The following SNRPN variants were observed in gnomAD, a reference collection of about 807,000 sequenced individuals.
SNRPN encodes small nuclear ribonucleoprotein polypeptide N.
SNRPN carries 7 observed loss-of-function variants against 25.2 expected under a neutral mutation model. The ratio of observed to expected loss-of-function variants is 0.28; its 90% confidence interval spans 0.16 to 0.52. The LOEUF (loss-of-function observed/expected upper bound fraction) is 0.52. SNRPN is among the 20% of genes least tolerant of loss of function. The probability of loss-of-function intolerance (pLI) is 0.96; values close to 1 mark genes in which losing one functional copy is unlikely to be tolerated. For missense variants in SNRPN, 196 were observed against 322.5 expected (o/e 0.61, Z 3.00); for synonymous variants, 124 against 110.6 (o/e 1.12, Z -0.76).
rs556119477 is a variant in SNRPN at position 24,864,147 on chromosome 15, C to T, written c.-579+7431C>T. Among the ~76,000 whole-genome samples, 129 of 148,636 alleles carry T rather than the reference C, an allele frequency of 8.7e-4. 7 individuals are homozygous for T. The Middle Eastern group carries it at 0.038, about 43-fold the overall frequency. ...GTTCACACTATTCTCCTGCCTCAGC[C>T]TCCCAAGTAGCTGGGACTACAGGCG... On this transcript the variant is annotated intron_variant, in intron 1 of 11. Coordinates refer to the SNRPN transcript ENST00000400097.
chr15:24,901,527 CAA>C (rs1295988490), intron 2 of SNRPN, among the ~76,000 whole-genome samples: 6 of 152,162 alleles, frequency 3.9e-5, no homozygotes. Context: ...ATGACTGAGA[CAA>C]AAAAGAATGT....
At chr15:24,932,246 T>G (rs1289423778) in intron 3 of SNRPN, among the ~76,000 whole-genome samples, 1 of 152,186 alleles carries the variant, frequency 6.6e-6, no homozygotes, top group African/African-American at 2.4e-5. Flanking sequence ...TGTTTCTTTG[T>G]TTTTTGAGAT....
intron 2 of SNRPN, among the ~76,000 whole-genome samples, chr15:24,830,651 T>A (rs1177671056): frequency 3.3e-5 from 5 of 152,124 alleles, no homozygotes; most frequent in Non-Finnish European, 7.3e-5. Flanking sequence ...TAGTTCAAAT[T>A]ATTTTAAAAA....
At chr15:24,922,053 A>G (rs1424320293) in intron 3 of SNRPN, among the ~76,000 whole-genome samples, 2 of 149,272 alleles carry the variant, frequency 1.3e-5, no homozygotes, top group Non-Finnish European at 3.0e-5. Flanking sequence ...AAAAAAAAAA[A>G]AAAAAAAAAA....
At chr15:24,901,080 A>C (rs2058417630) in intron 2 of SNRPN, among the ~76,000 whole-genome samples, 2 of 152,168 alleles carry the variant, frequency 1.3e-5, no homozygotes, top group Non-Finnish European at 2.9e-5. Context: ...TGGGCAACAG[A>C]GCCAGACCCT....
intron 2 of SNRPN, among the ~76,000 whole-genome samples, chr15:24,918,342 A>ACATATATAACATAATATATATGTG (rs2059670327): frequency 4.0e-4 from 19 of 47,102 alleles, no homozygotes; most frequent in African/African-American, 1.7e-3. Context: ...ATATATGTGT[A>ACATATATAACATAATATATATGTG]TATATATATA....
intron 3 of SNRPN, among the ~76,000 whole-genome samples, chr15:24,932,290 A>G (rs2060923380): frequency 6.6e-6 from 1 of 152,170 alleles, no homozygotes; most frequent in African/African-American, 2.4e-5. Context: ...GCTGAAGTGC[A>G]ATGGTGCGAT....
chr15:24,904,016 G>A (rs1185536766), intron 2 of SNRPN, among the ~76,000 whole-genome samples: 1 of 149,300 alleles, frequency 6.7e-6, no homozygotes, highest in Non-Finnish European at 1.5e-5. Flanking sequence ...TCCAGCCTGG[G>A]CTACAAAGCA....
At chr15:24,934,495 C>T (rs190710089) in intron 3 of SNRPN, among the ~76,000 whole-genome samples, 3 of 152,206 alleles carry the variant, frequency 2.0e-5, no homozygotes, top group Admixed American at 6.5e-5. Flanking sequence ...GTCCTCAAAG[C>T]CTAAAATATT....
At position 24,948,882 on chromosome 15, in the gene SNRPN, C is replaced by T. The variant is rs530816252; in HGVS notation, c.-390-13232C>T. 3.3e-5 allele frequency among the ~76,000 whole-genome samples: 5 copies of T among 151,820 alleles called. 1 individual carries two copies. The highest frequency in any genetic ancestry group is 2.6e-4 in the Admixed American group (4 of 15,204). On this transcript the variant is annotated intron_variant, in intron 3 of 11. Coordinates refer to the SNRPN transcript ENST00000400097. The stretch of plus-strand genomic sequence containing the variant: ...AAAATTAGATAACCTACTAATTCCA[C>T]AAAATCCAGAATATTTTGATCATCC...
chr15:24,834,112 G>A lies in SNRPN; in HGVS notation c.-579+4207G>A, dbSNP rs1473509589. Among the ~76,000 whole-genome samples, 4 of 152,214 alleles carry A rather than the reference G, an allele frequency of 2.6e-5. 1 individual carries two copies. Among genetic ancestry groups the A allele is most frequent in the African/African-American group, 9.6e-5 (4 of 41,486 alleles). ...AGCTAATTTTTGTATTTTTAGTAGA[G>A]ACGGGGTTTCACCATGTTGGTCAGG... On this transcript the variant is annotated intron_variant, in intron 2 of 12. Coordinates refer to the SNRPN transcript ENST00000400100.
chr15:24,893,995 C>G (rs2057881579), intron 2 of SNRPN, among the ~76,000 whole-genome samples: 1 of 152,170 alleles, frequency 6.6e-6, no homozygotes, highest in Non-Finnish European at 1.5e-5. Context: ...GCAAAAAATG[C>G]AGCCCTCTAA....
At chr15:24,922,805 T>C (rs2060108222) in intron 3 of SNRPN, among the ~76,000 whole-genome samples, 1 of 151,288 alleles carries the variant, frequency 6.6e-6, no homozygotes, top group Non-Finnish European at 1.5e-5. Flanking sequence ...ACTGTGTATG[T>C]ATACAGAGTG....
chr15:24,962,940 G>A (rs961691589), intron 2 of SNRPN, among the ~76,000 whole-genome samples: 1 of 151,958 alleles, frequency 6.6e-6, no homozygotes, highest in African/African-American at 2.4e-5. Context: ...AATTCATGAA[G>A]ATGATTCTTT....
chr15:24,977,123 A>C, intron 7 of SNRPN, 94 bp downstream of exon 7: 7 of 967,388 alleles, frequency 7.2e-6, no homozygotes, highest in Middle Eastern at 3.0e-4. Context: ...GTGTCATACA[A>C]TGTAAACAGC....
chr15:24,837,393 A>C (rs1339699175), intron 2 of SNRPN, among the ~76,000 whole-genome samples: 1 of 145,172 alleles, frequency 6.9e-6, no homozygotes, highest in African/African-American at 2.6e-5. Context: ...TTTGAGGTGG[A>C]GTCTCACTGT....
At position 24,935,296 on chromosome 15, in the gene SNRPN, G is replaced by T. The variant is rs530525410; in HGVS notation, c.-391+15172G>T. 1.9e-4 allele frequency among the ~76,000 whole-genome samples: 29 copies of T among 151,120 alleles called. No individual in the cohort carries two copies. The South Asian group carries it at 6.0e-3, about 31-fold the overall frequency. On this transcript the variant is annotated intron_variant, in intron 3 of 11. Transcript: ENST00000400097. Reference sequence around the variant, plus strand: ...CCAAAAAAAAAAAAGTTCGATTTTTGTTTAATAGGTGAGATCATATGAAAC... The same window carrying T: ...CCAAAAAAAAAAAAGTTCGATTTTTTTTTAATAGGTGAGATCATATGAAAC...
chr15:24,933,044 T>C (rs567920969), intron 3 of SNRPN, among the ~76,000 whole-genome samples: 2 of 152,116 alleles, frequency 1.3e-5, no homozygotes, highest in East Asian at 3.9e-4. Flanking sequence ...GGAGGATTAC[T>C]TGAGTCCAGG....
intron 3 of SNRPN, among the ~76,000 whole-genome samples, chr15:24,941,568 T>C (rs2061558171): frequency 6.6e-6 from 1 of 152,134 alleles, no homozygotes; most frequent in East Asian, 1.9e-4. Context: ...TGGGCTTTGG[T>C]CACAGAGCTT....
Sources: gnomAD v4.1 joint callset for allele counts (sites outside exome capture counted in the v4.1 genomes callset) on GRCh38, gnomAD v4.1.1 for gene constraint, MANE v1.5 for transcripts, NCBI Gene and HGNC (gene_info 2026-07-23, HGNC 2026-07-21) for gene names.